Variants in TMPRSS15 observed in about 807,000 individuals in gnomAD.
The protein encoded by TMPRSS15 is transmembrane serine protease 15.
In TMPRSS15, 128 loss-of-function variants were observed where a neutral mutation model predicts 125.3. The ratio of observed to expected loss-of-function variants is 1.02; its 90% CI spans 0.89 to 1.18. The LOEUF is 1.18. Ranked by LOEUF, TMPRSS15 falls within the 50% of genes most tolerant of loss-of-function variation. The pLI, the probability that TMPRSS15 is intolerant of heterozygous loss-of-function variation, is 0.00. For synonymous variants in TMPRSS15, 446 were observed against 423.2 expected (o/e 1.05, Z -0.66); for missense variants, 1,283 against 1,212.7 (o/e 1.06, Z -0.86).
At chr21:18,476,338 G>C (rs772098135) in intron 1 of TMPRSS15, among the ~76,000 whole-genome samples, 1 of 151,954 alleles carries the variant, frequency 6.6e-6, no homozygotes, top group Non-Finnish European at 1.5e-5. Flanking sequence ...TGCAACCCTA[G>C]ATTTTTTCCC....
intron 7 of TMPRSS15, among the ~76,000 whole-genome samples, chr21:18,361,420 A>G (rs1049442360): frequency 6.6e-6 from 1 of 152,098 alleles, no homozygotes; most frequent in Non-Finnish European, 1.5e-5. Flanking sequence ...GAAAGGATTA[A>G]AAAGGCTAGT....
intron 1 of TMPRSS15, among the ~76,000 whole-genome samples, chr21:18,457,929 T>C (rs73895627): frequency 0.069 from 10,527 of 152,194 alleles, 1,043 homozygotes; most frequent in African/African-American, 0.22. Context: ...AACTTTTGAG[T>C]ATAATTCTAG....
chr21:18,451,993 G>T (rs899378680), intron 1 of TMPRSS15, among the ~76,000 whole-genome samples: 2 of 151,072 alleles, frequency 1.3e-5, no homozygotes, highest in Non-Finnish European at 2.9e-5. Context: ...GCTTCCAGTT[G>T]ATGTGGTTCA....
At chr21:18,287,557 G>A (rs2074780185) in intron 21 of TMPRSS15, among the ~76,000 whole-genome samples, 1 of 152,128 alleles carries the variant, frequency 6.6e-6, no homozygotes, top group Non-Finnish European at 1.5e-5. Flanking sequence ...TAACTTGAGA[G>A]ATACGATAGA....
intron 1 of TMPRSS15, among the ~76,000 whole-genome samples, chr21:18,472,480 TACACACACACACAC>T (rs61425148): frequency 6.2e-5 from 7 of 112,318 alleles, no homozygotes; most frequent in African/African-American, 2.2e-4. Flanking sequence ...TATATATATA[TACACACACACACAC>T]ATACACACAC....
At chr21:18,307,919 C>T (rs1812781698) in intron 18 of TMPRSS15, among the ~76,000 whole-genome samples, 1 of 152,166 alleles carries the variant, frequency 6.6e-6, no homozygotes. Context: ...ATAGAAAGAA[C>T]TCCTCTTTTT....
intron 1 of TMPRSS15, among the ~76,000 whole-genome samples, chr21:18,483,876 G>A (rs893067162): frequency 4.0e-5 from 6 of 151,820 alleles, no homozygotes; most frequent in African/African-American, 9.7e-5. Context: ...GAAACTTCTC[G>A]TGTCCACTTC....
intron 3 of TMPRSS15, among the ~76,000 whole-genome samples, chr21:18,391,099 C>T (rs188669954): frequency 5.3e-5 from 8 of 152,276 alleles, no homozygotes; most frequent in African/African-American, 7.2e-5. Context: ...GTAGGGATTA[C>T]AATTGGAGAT....
At chr21:18,316,252 C>T (rs183134390) in intron 16 of TMPRSS15, among the ~76,000 whole-genome samples, 174 of 152,232 alleles carry the variant, frequency 1.1e-3, no homozygotes, top group African/African-American at 4.1e-3. Context: ...GTTGTCAACT[C>T]ACCTCTTCCT....
At chr21:18,479,182 C>G (rs1173834367) in intron 1 of TMPRSS15, among the ~76,000 whole-genome samples, 1 of 151,906 alleles carries the variant, frequency 6.6e-6, no homozygotes, top group Non-Finnish European at 1.5e-5. Context: ...GCTAAGATTT[C>G]TTTCTGCATA....
intron 18 of TMPRSS15, among the ~76,000 whole-genome samples, chr21:18,298,459 G>A (rs528075197): frequency 9.9e-5 from 15 of 152,184 alleles, no homozygotes; most frequent in Non-Finnish European, 4.4e-5. Context: ...GGCACCACAG[G>A]GTGGAGAGAG....
upstream of TMPRSS15, among the ~76,000 whole-genome samples, chr21:18,404,189 T>C (rs1439025646): frequency 6.6e-6 from 1 of 152,234 alleles, no homozygotes; most frequent in Non-Finnish European, 1.5e-5. Context: ...TACATATACA[T>C]GTATTCCTTA....
intron 1 of TMPRSS15, among the ~76,000 whole-genome samples, chr21:18,433,413 C>T (rs746890445): frequency 5.9e-5 from 9 of 151,954 alleles, no homozygotes; most frequent in Non-Finnish European, 1.2e-4. Context: ...AGAGTTTAGG[C>T]CTGGCATGGT....
intron 13 of TMPRSS15, among the ~76,000 whole-genome samples, chr21:18,332,745 A>G (rs558533466): frequency 2.0e-5 from 3 of 152,348 alleles, no homozygotes; most frequent in South Asian, 2.1e-4. Flanking sequence ...GCTACTCGGT[A>G]TATACCCAAA....
intron 14 of TMPRSS15, among the ~76,000 whole-genome samples, chr21:18,330,868 C>A (rs1229029011): frequency 6.6e-6 from 1 of 151,800 alleles, no homozygotes; most frequent in African/African-American, 2.4e-5. Context: ...GTCAGCAGAT[C>A]GAGACCATCC....
intron 5 of TMPRSS15, among the ~76,000 whole-genome samples, chr21:18,373,457 A>C (rs1432035239): frequency 6.6e-6 from 1 of 152,106 alleles, no homozygotes; most frequent in African/African-American, 2.4e-5. Flanking sequence ...AATAATAATA[A>C]AAATATTATT....
intron 1 of TMPRSS15, among the ~76,000 whole-genome samples, chr21:18,428,376 C>A (rs1289491394): frequency 2.6e-5 from 4 of 152,230 alleles, no homozygotes; most frequent in African/African-American, 9.6e-5. Context: ...AAGCAGGCTG[C>A]AGAAATTTGC....
chr21:18,272,905 A>C (rs1170005792), intron 24 of TMPRSS15, among the ~76,000 whole-genome samples: 2 of 152,156 alleles, frequency 1.3e-5, no homozygotes, highest in Non-Finnish European at 2.9e-5. Context: ...AGGGTTGGTG[A>C]CCATTTTTGT....
intron 23 of TMPRSS15, among the ~76,000 whole-genome samples, chr21:18,276,827 T>C (rs2074627987): frequency 6.7e-6 from 1 of 148,344 alleles, no homozygotes. Flanking sequence ...TGGCGCAATC[T>C]CGGCTCACTG....
Sources: gnomAD v4.1 joint callset for allele counts (sites outside exome capture counted in the v4.1 genomes callset) on GRCh38, gnomAD v4.1.1 for gene constraint, MANE v1.5 for transcripts, NCBI Gene and HGNC (gene_info 2026-07-23, HGNC 2026-07-21) for gene names.